TRIM5: variants seen among roughly 807,000 people sequenced by gnomAD.
TRIM5 encodes the protein tripartite motif containing 5.
TRIM5 carries 31 observed loss-of-function variants against 35.6 expected under a neutral mutation model. That is an observed-to-expected ratio of 0.87 (90% confidence interval 0.65 to 1.18). The LOEUF (loss-of-function observed/expected upper bound fraction) is 1.18. Among genes scored for constraint, TRIM5 ranks in the 50% most tolerant of loss-of-function variants. TRIM5 has a pLI of 0.00. For missense variants in TRIM5, 609 were observed against 591.6 expected (o/e 1.03, Z -0.31); for synonymous variants, 243 against 215.6 (o/e 1.13, Z -1.11).
At chr11:5,596,550 T>TCCCCTC in the TRIM5 span, 1 of 46,318 alleles carries the variant, frequency 2.2e-5, no homozygotes, top group African/African-American at 9.7e-5. Flanking sequence ...CCTTCCCCCT[T>TCCCCTC]CCCCCTTCCC....
At chr11:5,610,099 A>G in the TRIM5 span, 1 of 1,595,344 alleles carries the variant, frequency 6.3e-7, no homozygotes, top group South Asian at 1.1e-5. Flanking sequence ...TGGTGGAGGA[A>G]CCCACAGTCA....
the TRIM5 span, among the ~76,000 whole-genome samples, chr11:5,648,752 G>A: frequency 1.3e-5 from 2 of 152,130 alleles, no homozygotes; most frequent in African/African-American, 4.8e-5. Context: ...CAGATGGGAC[G>A]TGTTTATAAG....
the TRIM5 span, chr11:5,603,526 C>T: frequency 8.1e-6 from 13 of 1,613,944 alleles, no homozygotes; most frequent in South Asian, 3.3e-5. Flanking sequence ...GCGGCCTAAT[C>T]GGCATCTGGC....
intron 4 of TRIM5, among the ~76,000 whole-genome samples, chr11:5,674,950 A>G (rs967642770): frequency 6.6e-6 from 1 of 152,218 alleles, no homozygotes; most frequent in African/African-American, 2.4e-5. Context: ...TGAAAAGATG[A>G]CTATCTTCAA....
chr11:5,610,798 A>T, the TRIM5 span: 1 of 1,614,160 alleles, frequency 6.2e-7, no homozygotes, highest in South Asian at 1.1e-5. Flanking sequence ...CTGAATCCAC[A>T]CACAGCTAAT....
the TRIM5 span, among the ~76,000 whole-genome samples, chr11:5,597,526 C>T: frequency 1.3e-5 from 2 of 152,056 alleles, no homozygotes; most frequent in Non-Finnish European, 2.9e-5. Context: ...TTAAATATAA[C>T]CCTACACAAA....
chr11:5,616,198 G>A, the TRIM5 span, among the ~76,000 whole-genome samples: 1 of 105,886 alleles, frequency 9.4e-6, no homozygotes, highest in African/African-American at 3.6e-5. Flanking sequence ...TGATCCACCC[G>A]CCTCGGCCTC....
At chr11:5,591,130 A>T in the TRIM5 span, 1 of 152,856 alleles carries the variant, frequency 6.5e-6, no homozygotes, top group African/African-American at 2.4e-5. Flanking sequence ...GAGGAAGAGG[A>T]AAGAATTTAG....
At chr11:5,653,957 A>AT in the TRIM5 span, among the ~76,000 whole-genome samples, 47 of 151,756 alleles carry the variant, frequency 3.1e-4, no homozygotes, top group African/African-American at 1.1e-3. Flanking sequence ...TAGAGTGTAT[A>AT]TTTTTTTATT....
At chr11:5,591,267 A>G in the TRIM5 span, among the ~76,000 whole-genome samples, 8 of 152,254 alleles carry the variant, frequency 5.3e-5, no homozygotes, top group African/African-American at 1.4e-4. Flanking sequence ...TGAGCAATCA[A>G]TGGGCTTGCC....
the TRIM5 span, among the ~76,000 whole-genome samples, chr11:5,655,086 G>A: frequency 0.031 from 4,672 of 151,844 alleles, 168 homozygotes; most frequent in East Asian, 0.14. Flanking sequence ...CAGCTACTTC[G>A]GGAGGCTGAG....
the TRIM5 span, among the ~76,000 whole-genome samples, chr11:5,637,462 C>T: frequency 6.6e-6 from 1 of 152,106 alleles, no homozygotes; most frequent in Non-Finnish European, 1.5e-5. Context: ...AAAGGAGATA[C>T]TTTGATTTTT....
At chr11:5,645,410 A>AAAG in the TRIM5 span, among the ~76,000 whole-genome samples, 6 of 150,382 alleles carry the variant, frequency 4.0e-5, no homozygotes, top group South Asian at 1.3e-3. Flanking sequence ...AAAAAAAAAA[A>AAAG]CTGTGAAAAA....
chr11:5,600,204 T>G, the TRIM5 span, among the ~76,000 whole-genome samples: 2 of 152,192 alleles, frequency 1.3e-5, no homozygotes, highest in African/African-American at 4.8e-5. Context: ...CCTGCGTATC[T>G]GCATTCAACA....
the TRIM5 span, among the ~76,000 whole-genome samples, chr11:5,640,577 G>T: frequency 3.3e-3 from 509 of 152,144 alleles, 2 homozygotes; most frequent in African/African-American, 0.011. Context: ...ATATTTATAA[G>T]AGATATTGGT....
At chr11:5,682,900 T>C (rs1216161194) in intron 1 of TRIM5, among the ~76,000 whole-genome samples, 1 of 152,242 alleles carries the variant, frequency 6.6e-6, no homozygotes. Context: ...CTTTCTGGGC[T>C]GGCCAAGGCC....
the TRIM5 span, chr11:5,643,521 G>T: frequency 6.2e-7 from 1 of 1,614,140 alleles, no homozygotes; most frequent in South Asian, 1.1e-5. Context: ...TCTCTCCATG[G>T]CTGTGCCTCC....
chr11:5,674,112 C>A (rs912559793), intron 4 of TRIM5, among the ~76,000 whole-genome samples: 4 of 151,570 alleles, frequency 2.6e-5, no homozygotes, highest in African/African-American at 9.7e-5. Flanking sequence ...TAAAAGTTAA[C>A]AAAATTGACC....
chr11:5,653,008 A>G, the TRIM5 span, among the ~76,000 whole-genome samples: 6 of 152,060 alleles, frequency 3.9e-5, no homozygotes, highest in South Asian at 4.1e-4. Flanking sequence ...GCCCACCAGC[A>G]TACCCGGCTA....
Sources: allele counts gnomAD v4.1 joint callset (sites outside exome capture counted in the v4.1 genomes callset), GRCh38; gene constraint gnomAD v4.1.1; transcripts MANE v1.5; gene names NCBI Gene and HGNC (gene_info 2026-07-23, HGNC 2026-07-21).